REN: variants seen among roughly 807,000 people sequenced by gnomAD.
The protein encoded by REN is renin, also known as angiotensin-forming enzyme.
In REN, 42 loss-of-function variants were observed where a neutral mutation model predicts 48.6. That is an observed-to-expected ratio of 0.86 (90% CI 0.68 to 1.12). REN has a LOEUF of 1.12. REN is among the 50% of genes most tolerant of loss of function. The pLI is 0.00. For synonymous variants in REN, 196 were observed against 204.6 expected, an observed-to-expected ratio of 0.96 and a Z score of 0.36; for missense variants, 443 against 527.3, an observed-to-expected ratio of 0.84 and a Z score of 1.57.
chr1:204,157,488 A>C, intron 5 of REN, 119 bp from the exon 6 acceptor site: 1 of 1,424,766 alleles, frequency 7.0e-7, no homozygotes, highest in Non-Finnish European at 9.9e-7. Flanking sequence ...TGGAGTCACC[A>C]AGAGGCGAAG....
chr1:204,155,704 C>T (rs1201023979), intron 9 of REN, 116 bp downstream of exon 9: 11 of 852,070 alleles, frequency 1.3e-5, no homozygotes, highest in Non-Finnish European at 1.5e-5. Flanking sequence ...GTGACATGCA[C>T]AGCCAAGTTT....
intron 5 of REN, 112 bp downstream of exon 5, chr1:204,159,287 G>A (rs1658201355): frequency 1.1e-6 from 1 of 904,864 alleles, no homozygotes; most frequent in Non-Finnish European, 1.8e-6. Flanking sequence ...ATATTGATTG[G>A]CTGTCACCTA....
intron 2 of REN, among the ~76,000 whole-genome samples, chr1:204,161,708 C>T (rs11571110): frequency 0.012 from 1,751 of 152,160 alleles, 21 homozygotes; most frequent in African/African-American, 0.04. Context: ...TCAGGTTGTG[C>T]TGGGCCAGGT....
At chr1:204,161,140 T>TC in intron 3 of REN, 152 bp downstream of exon 3, 1 of 910,566 alleles carries the variant, frequency 1.1e-6, no homozygotes, top group African/African-American at 1.7e-5. Flanking sequence ...GGAGACATCT[T>TC]CCCCTCTCCC....
intron 1 of REN, among the ~76,000 whole-genome samples, chr1:204,165,991 G>C (rs1185811167): frequency 6.6e-6 from 1 of 152,136 alleles, no homozygotes; most frequent in Non-Finnish European, 1.5e-5. Context: ...TGGTGCTCTG[G>C]GCAGGAAGCA....
At position 204,157,181 on chromosome 1, in the gene REN, A is replaced by G. The variant is rs554901082; in HGVS notation, c.698+180T>C. ...CATGGGAGGGGACCCTGGGGAGGCT[A>G]TTGGGTATGGGGTGGGCAGGTGGCA... On this transcript the variant is annotated intron_variant, in intron 6 of 9. Transcript: ENST00000272190. Among the ~76,000 whole-genome samples the G allele has an allele frequency of 2.6e-5, 4 of 152,176 alleles. No individual in the cohort carries two copies. The South Asian group carries it at 8.3e-4, about 32-fold the overall frequency.
rs1658144688 is a variant in REN at position 204,156,152 on chromosome 1, A to G, written c.960+26T>C. 6.2e-7 allele frequency: 1 copy of G among 1,614,096 alleles called. No homozygotes were observed. Among genetic ancestry groups the G allele is most frequent in the Non-Finnish European group, 8.5e-7 (1 of 1,180,036 alleles). The stretch of plus-strand genomic sequence containing the variant: ...ACCAGGTGGCGCTCCCCCCACCCAC[A>G]GCACCTTCCCTCTTTGGCTTCTTAC... On this transcript the variant is annotated intron_variant, in intron 8 of 9. Transcript: ENST00000272190. The surrounding 1 kb of genome is among the most constrained non-coding windows in gnomAD (Gnocchi z 4.2).
chr1:204,156,719 A>C lies in REN; in HGVS notation c.776T>G (p.Ile259Ser). The change falls in exon 7 of 10, where the codon ATC becomes AGC. Residue 259 changes from isoleucine to serine, a missense_variant. Ile to Ser is a moderately radical substitution (Grantham distance 142). Coordinates refer to ENST00000272190, the MANE Select transcript of REN (RefSeq NM_000537.4). This position sits in a 1 kb window ranked among gnomAD's most constrained non-coding sequence, Gnocchi z 4.2. Reference protein sequence around the residue: ...PQHYEGNFHYINLIKTGVWQI... With the variant: ...PQHYEGNFHYSNLIKTGVWQI... ...CCAGACACCAGTCTTGATGAGGTTGATATAGTGGAAATTCCCTTCGTAATG... is the reference window on the plus strand; with the variant it reads ...CCAGACACCAGTCTTGATGAGGTTGCTATAGTGGAAATTCCCTTCGTAATG... The C allele has an allele frequency of 6.2e-7, 1 of 1,611,588 alleles. No individual in the cohort carries two copies. Among genetic ancestry groups the C allele is most frequent in the Non-Finnish European group, 8.5e-7 (1 of 1,178,632 alleles).
At chr1:204,161,101 T>G (rs1422626664) in intron 3 of REN, among the ~76,000 whole-genome samples, 191 bp downstream of exon 3, 3 of 152,088 alleles carry the variant, frequency 2.0e-5, no homozygotes, top group African/African-American at 7.2e-5. Context: ...TTTTTTGTTT[T>G]TAACCTTGGT....
Position 204,166,275 on chromosome 1 carries a change from T to G in REN, c.19A>C (p.Met7Leu), listed in dbSNP as rs746180535. Residue 7 changes from methionine to leucine, a missense_variant, in exon 1 of 10, where the codon ATG becomes CTG. Physicochemically the swap from Met to Leu is conservative, Grantham distance 15. Transcript: ENST00000272190. MDGWRR[M>L]PRWGLLLLLW... ...AGCAGCAGCAGTCCCCAGCGAGGCA[T>G]CCTTCTCCATCCATCCATGCTTCCC... 2 of 1,614,188 alleles carry G rather than the reference T, an allele frequency of 1.2e-6. No individual in the cohort carries two copies. The highest frequency in any genetic ancestry group is 1.7e-6 in the Non-Finnish European group (2 of 1,180,034).
At position 204,161,420 on chromosome 1, in the gene REN, G is replaced by C. The variant is rs2102314095; in HGVS notation, c.250-5C>G. ...AATCTCGCCATAGTACTGGGTCTGT[G>C]GGGGTAAAAAGAGAGGGCTGGAGGG... On this transcript the variant is annotated splice_region_variant and splice_polypyrimidine_tract_variant and intron_variant, in intron 2 of 9. Coordinates refer to ENST00000272190, the MANE Select transcript of REN (RefSeq NM_000537.4). 1.3e-6 allele frequency: 2 copies of C among 1,547,956 alleles called. No individual in the cohort carries two copies. Among genetic ancestry groups the C allele is most frequent in the South Asian group, 1.3e-5 (1 of 79,762 alleles).
At position 204,156,945 on chromosome 1, in the gene REN, C is replaced by A; in HGVS notation, c.699-149G>T. 1 of 1,026,038 alleles carries A rather than the reference C, an allele frequency of 9.7e-7. No homozygotes were observed. Among genetic ancestry groups the A allele is most frequent in the South Asian group, 1.3e-5 (1 of 77,268 alleles). 63.6% of individuals were successfully genotyped at this position (1,026,038 alleles called of 1,614,324 possible). Reference sequence around the variant, plus strand: ...GACAGACAGCCAGGCTCGGAGCTGTCGTTGGGAAGCATGCAGAACATACTG... The same window carrying A: ...GACAGACAGCCAGGCTCGGAGCTGTAGTTGGGAAGCATGCAGAACATACTG... On this transcript the variant is annotated intron_variant, in intron 6 of 9. Transcript: ENST00000272190. This position sits in a 1 kb window ranked among gnomAD's most constrained non-coding sequence, Gnocchi z 4.2.
chr1:204,156,591 G>C lies in REN; in HGVS notation c.818+86C>G, dbSNP rs143175938. 2.2e-4 allele frequency: 350 copies of C among 1,561,720 alleles called. 1 individual carries two copies. In the African/African-American group the frequency reaches 4.0e-3, roughly 18 times the overall value. Reference sequence around the variant, plus strand: ...GTGGCTGCATTTGGAAAGAGGGCAGGATGGTAATGCAGTCCTTCCCCACCC... The same window carrying C: ...GTGGCTGCATTTGGAAAGAGGGCAGCATGGTAATGCAGTCCTTCCCCACCC... On this transcript the variant is annotated intron_variant, in intron 7 of 9. Coordinates refer to ENST00000272190, the MANE Select transcript of REN (RefSeq NM_000537.4). This position sits in a 1 kb window ranked among gnomAD's most constrained non-coding sequence, Gnocchi z 4.2.
At position 204,161,279 on chromosome 1, in the gene REN, T is replaced by C. The variant is rs1177625333; in HGVS notation, c.373+13A>G. The C allele has an allele frequency of 1.9e-6, 3 of 1,593,188 alleles. No homozygotes were observed. Among genetic ancestry groups the C allele is most frequent in the African/African-American group, 1.3e-5 (1 of 74,452 alleles). ...GGGGATGGAGGAGAGGCACTGTGGG[T>C]CTTAGGTCTCACCACAGGCAGTGTA... On this transcript the variant is annotated intron_variant, in intron 3 of 9. Transcript: ENST00000272190.
rs1658142614 is a variant in REN, at chr1:204,156,049, C to A, written c.960+129G>T. 1 of 1,492,794 alleles carries A rather than the reference C, an allele frequency of 6.7e-7. No homozygotes were observed. Among genetic ancestry groups the A allele is most frequent in the Non-Finnish European group, 9.3e-7 (1 of 1,072,510 alleles). 92.5% of individuals were successfully genotyped at this position (1,492,794 alleles called of 1,614,324 possible). ...AGTGCCCCGCCCCATGGGTGACCAG[C>A]CACATGTGTGGAGAGTGTGAGGTGA... On this transcript the variant is annotated intron_variant, in intron 8 of 9. Transcript: ENST00000272190. The surrounding 1 kb of genome is among the most constrained non-coding windows in gnomAD (Gnocchi z 4.2).
intron 5 of REN, among the ~76,000 whole-genome samples, chr1:204,158,239 A>C (rs546159145): frequency 8.2e-4 from 124 of 151,944 alleles, no homozygotes; most frequent in African/African-American, 2.9e-3. Flanking sequence ...CCTCTAAAAC[A>C]GTTCTTCTAA....
chr1:204,156,336 T>TCAGTCAGA lies in REN; in HGVS notation c.819-18_819-17insTCTGACTG, dbSNP rs1553304565. ...ACAGACACCCTGGGGGAGGCCACAG[T>TCAGTCAGA]CAGACAGACAGACAGACAGACAGAC... is the stretch of plus-strand genomic sequence containing the variant. On this transcript the variant is annotated splice_polypyrimidine_tract_variant and intron_variant, in intron 7 of 9. Coordinates refer to ENST00000272190, the MANE Select transcript of REN (RefSeq NM_000537.4). This position sits in a 1 kb window ranked among gnomAD's most constrained non-coding sequence, Gnocchi z 4.2. The TCAGTCAGA allele has an allele frequency of 6.3e-7, 1 of 1,587,780 alleles. No homozygotes were observed. The highest frequency in any genetic ancestry group is 1.4e-5 in the African/African-American group (1 of 73,918).
At chr1:204,155,758 C>G (rs999618621) in intron 9 of REN, 62 bp downstream of exon 9, 1 of 1,240,524 alleles carries the variant, frequency 8.1e-7, no homozygotes, top group Non-Finnish European at 1.2e-6. Context: ...TAATCTGTCA[C>G]TCTTTGAGGG....
chr1:204,164,950 G>T (rs555429818), intron 1 of REN, among the ~76,000 whole-genome samples: 5 of 151,874 alleles, frequency 3.3e-5, no homozygotes, highest in South Asian at 4.2e-4. Flanking sequence ...CTAATTGTGG[G>T]CTACCTAAAG....
Sources: allele counts gnomAD v4.1 joint callset (sites outside exome capture counted in the v4.1 genomes callset), GRCh38; gene constraint gnomAD v4.1.1; non-coding constraint Gnocchi (gnomAD v3.1); transcripts MANE v1.5; gene names NCBI Gene and HGNC (gene_info 2026-07-23, HGNC 2026-07-21).